EIF4E: variants seen among roughly 807,000 people sequenced by gnomAD.
EIF4E encodes the protein eIF-4F 25 kDa subunit.
For missense variants in EIF4E, 113 were observed against 265.6 expected (o/e 0.43, Z 3.99); for synonymous variants, 71 against 88.5 (o/e 0.80, Z 1.11).
At chr4:98,921,199 G>T (rs1308705447) in intron 1 of EIF4E, among the ~76,000 whole-genome samples, 2 of 151,948 alleles carry the variant, frequency 1.3e-5, no homozygotes, top group Non-Finnish European at 2.9e-5. Context: ...ATCAGAAAAA[G>T]AACTATAAGA....
intron 2 of EIF4E, among the ~76,000 whole-genome samples, chr4:98,900,189 GCTA>G (rs927221407): frequency 4.0e-4 from 61 of 152,084 alleles, no homozygotes; most frequent in African/African-American, 1.4e-3. Context: ...GGGTTTTGGT[GCTA>G]CTATTAGGTT....
chr4:98,903,085 G>T (rs566084244), intron 1 of EIF4E, among the ~76,000 whole-genome samples: 1 of 152,156 alleles, frequency 6.6e-6, no homozygotes, highest in South Asian at 2.1e-4. Flanking sequence ...AAAGTAGTCT[G>T]GGGGCAGTAA....
intron 1 of EIF4E, among the ~76,000 whole-genome samples, chr4:98,915,188 C>T (rs1285911284): frequency 2.0e-5 from 3 of 152,046 alleles, no homozygotes; most frequent in Non-Finnish European, 4.4e-5. Flanking sequence ...TGGGCTTAAG[C>T]AATTCACCTG....
At chr4:98,914,636 A>T (rs1725300738) in intron 1 of EIF4E, among the ~76,000 whole-genome samples, 1 of 152,066 alleles carries the variant, frequency 6.6e-6, no homozygotes, top group Non-Finnish European at 1.5e-5. Context: ...GGAGGGTATA[A>T]ACAAGCAGAA....
chr4:98,898,580 A>G (rs546897865), intron 2 of EIF4E, among the ~76,000 whole-genome samples: 1 of 152,100 alleles, frequency 6.6e-6, no homozygotes, highest in Non-Finnish European at 1.5e-5. Context: ...TCCGAAAAAA[A>G]AAAAAACAGA....
chr4:98,904,644 G>A (rs983002340), intron 1 of EIF4E, among the ~76,000 whole-genome samples: 2 of 152,096 alleles, frequency 1.3e-5, no homozygotes, highest in Non-Finnish European at 1.5e-5. Context: ...GGTAGCACGC[G>A]CCTGTAATCC....
intron 1 of EIF4E, among the ~76,000 whole-genome samples, chr4:98,910,713 G>A (rs1725086735): frequency 6.6e-6 from 1 of 150,550 alleles, no homozygotes; most frequent in African/African-American, 2.4e-5. Context: ...CAAATAAACA[G>A]TTTTAAAACT....
intron 1 of EIF4E, among the ~76,000 whole-genome samples, chr4:98,904,272 C>CA (rs942730355): frequency 3.3e-5 from 5 of 152,100 alleles, no homozygotes; most frequent in Non-Finnish European, 7.3e-5. Flanking sequence ...ACAGCCTCAG[C>CA]AAGTGAGACC....
At chr4:98,915,803 A>C (rs1213415173) in intron 1 of EIF4E, among the ~76,000 whole-genome samples, 20 of 151,540 alleles carry the variant, frequency 1.3e-4, no homozygotes, top group Admixed American at 1.3e-3. Context: ...CAGCCTCCCA[A>C]AGTGCTAGGA....
intron 1 of EIF4E, among the ~76,000 whole-genome samples, chr4:98,916,531 C>T (rs1201213227): frequency 1.3e-5 from 2 of 151,936 alleles, no homozygotes; most frequent in Non-Finnish European, 2.9e-5. Context: ...GTACACAGTA[C>T]AATGGATGAA....
intron 6 of EIF4E, among the ~76,000 whole-genome samples, chr4:98,882,158 C>A (rs956486239): frequency 6.6e-6 from 1 of 151,560 alleles, no homozygotes; most frequent in African/African-American, 2.4e-5. Context: ...TTTGGGAGGC[C>A]GAGGCGGGCG....
intron 2 of EIF4E, among the ~76,000 whole-genome samples, chr4:98,899,007 A>G (rs1043486363): frequency 1.3e-5 from 2 of 151,970 alleles, no homozygotes; most frequent in African/African-American, 4.8e-5. Flanking sequence ...AAACCCAGAA[A>G]CCACTGAGGA....
At chr4:98,886,310 T>C in intron 5 of EIF4E, 1 of 278,986 alleles carries the variant, frequency 3.6e-6, no homozygotes, top group South Asian at 3.2e-5. Context: ...AGAAAATGCT[T>C]ATTATCTCAT....
intron 6 of EIF4E, 61 bp from the exon 7 acceptor site, chr4:98,881,203 A>C: frequency 1.3e-6 from 2 of 1,568,388 alleles, no homozygotes; most frequent in African/African-American, 1.4e-5. Flanking sequence ...CACAAGAAAT[A>C]CATTTAAAAA....
At chr4:98,904,622 T>C (rs1223162439) in intron 1 of EIF4E, among the ~76,000 whole-genome samples, 4 of 151,960 alleles carry the variant, frequency 2.6e-5, no homozygotes, top group East Asian at 1.9e-4. Flanking sequence ...AATGCAAAAA[T>C]TAGCTGGGCG....
At chr4:98,904,065 GT>G (rs1023300562) in intron 1 of EIF4E, among the ~76,000 whole-genome samples, 1 of 152,128 alleles carries the variant, frequency 6.6e-6, no homozygotes, top group Non-Finnish European at 1.5e-5. Flanking sequence ...TCCCTCACAG[GT>G]TTTTGGCTAA....
chr4:98,907,048 G>C (rs1030099762), intron 1 of EIF4E, among the ~76,000 whole-genome samples: 3 of 152,118 alleles, frequency 2.0e-5, no homozygotes, highest in Non-Finnish European at 2.9e-5. Context: ...TGGTTACCTG[G>C]CTTGCCATTC....
At chr4:98,902,357 A>G (rs1426944640) in intron 1 of EIF4E, among the ~76,000 whole-genome samples, 9 of 152,260 alleles carry the variant, frequency 5.9e-5, no homozygotes, top group Non-Finnish European at 1.3e-4. Flanking sequence ...GGCGTGAGCC[A>G]CCACACCCGG....
intron 2 of EIF4E, among the ~76,000 whole-genome samples, chr4:98,898,762 C>A (rs1724524790): frequency 6.6e-6 from 1 of 151,832 alleles, no homozygotes; most frequent in Non-Finnish European, 1.5e-5. Context: ...AAAATAACAT[C>A]TTAGCATTAT....
Sources: allele counts gnomAD v4.1 joint callset (sites outside exome capture counted in the v4.1 genomes callset), GRCh38; gene constraint gnomAD v4.1.1; transcripts MANE v1.5; gene names NCBI Gene and HGNC (gene_info 2026-07-23, HGNC 2026-07-21).